Variants in ITGA1 observed in about 807,000 individuals in gnomAD.
The protein encoded by ITGA1 is integrin subunit alpha 1, also known as integrin alpha-1.
In ITGA1, 85 loss-of-function variants were observed where a neutral mutation model predicts 145.9. The ratio of observed to expected loss-of-function variants is 0.58; its 90% CI spans 0.49 to 0.70. The LOEUF (loss-of-function observed/expected upper bound fraction) is 0.70, where lower values mean the gene tolerates loss of function less well. Ranked by LOEUF, ITGA1 falls within the 30% of genes least tolerant of loss-of-function variation. The pLI is 0.00. For synonymous variants in ITGA1, 520 were observed against 495.3 expected (o/e 1.05, Z -0.66); for missense variants, 1,351 against 1,418.7 (o/e 0.95, Z 0.77).
At position 52,881,922 on chromosome 5, in the gene ITGA1, A is replaced by G. The variant is rs751284286; in HGVS notation, c.674A>G (p.Asn225Ser). ...GENVTHEFNL[N>S]KYSSTEEVLV... ...AACGTGACCCATGAGTTCAACCTCA[A>G]TAAGTATTCTTCCACCGAAGAGGTA... The change falls in exon 7 of 29, where the codon AAT becomes AGT. Residue 225 changes from asparagine to serine, a missense_variant. Asn to Ser is a conservative substitution (Grantham distance 46, BLOSUM62 1). Coordinates refer to ENST00000282588, the MANE Select transcript of ITGA1 (RefSeq NM_181501.2). 3.1e-6 allele frequency: 5 copies of G among 1,613,934 alleles called. No homozygotes were observed. Among genetic ancestry groups the G allele is most frequent in the Non-Finnish European group, 3.4e-6 (4 of 1,179,944 alleles).
Position 52,887,840 on chromosome 5 carries a change from G to C in ITGA1, c.799G>C (p.Gly267Arg). Reference sequence around the variant, plus strand: ...AAAGGAGGCATTCACGGAAGCCCGGGGTGCCCGAAGAGGAGTTAAAAAAGT... The same window carrying C: ...AAAGGAGGCATTCACGGAAGCCCGGCGTGCCCGAAGAGGAGTTAAAAAAGT... ...ARKEAFTEAR[G>R]ARRGVKKVMV... Residue 267 changes from glycine to arginine, a missense_variant, in exon 8 of 29, where the codon GGT becomes CGT. Coordinates refer to ENST00000282588, the MANE Select transcript of ITGA1 (RefSeq NM_181501.2). The C allele has an allele frequency of 6.2e-7, 1 of 1,613,234 alleles. No homozygotes were observed.
At chr5:52,919,533 A>G (rs1214571785) in intron 16 of ITGA1, among the ~76,000 whole-genome samples, 2 of 152,166 alleles carry the variant, frequency 1.3e-5, no homozygotes, top group South Asian at 2.1e-4. Context: ...CATTGGCTAA[A>G]GAAGAGAAAT....
Position 52,849,382 on chromosome 5 carries a change from G to T in ITGA1, c.79G>T (p.Val27Leu). The T allele has an allele frequency of 6.2e-7, 1 of 1,610,212 alleles. No individual in the cohort carries two copies. The highest frequency in any genetic ancestry group is 8.5e-7 in the Non-Finnish European group (1 of 1,177,816). ...TCCTAAAGTTGTTCTACGCTGCTGCGTATCATTCAATGTTGATGTGAAAAA... is the reference window on the plus strand; with the variant it reads ...TCCTAAAGTTGTTCTACGCTGCTGCTTATCATTCAATGTTGATGTGAAAAA... ...WLLTVVLRCCVSFNVDVKNSM... is the reference protein window; with the variant it reads ...WLLTVVLRCCLSFNVDVKNSM... The change falls in exon 2 of 29, where the codon GTA (valine) becomes TTA (leucine). Residue 27 changes from valine to leucine, a missense_variant. By Grantham distance (32) the Val-to-Leu change is conservative. Transcript: ENST00000282588.
rs532455361 is a variant in ITGA1 at position 52,914,930 on chromosome 5, G to A, written c.1858-534G>A. ...TGTGAATACATCTGAGTGGAATTGAGTCTCTTGTGCCCTCAACTTTTAGGA... is the reference window on the plus strand; with the variant it reads ...TGTGAATACATCTGAGTGGAATTGAATCTCTTGTGCCCTCAACTTTTAGGA... On this transcript the variant is annotated intron_variant, in intron 14 of 28. Coordinates refer to ENST00000282588, the MANE Select transcript of ITGA1 (RefSeq NM_181501.2). 2.6e-5 allele frequency among the ~76,000 whole-genome samples: 4 copies of A among 152,302 alleles called. No homozygotes were observed. In the South Asian group the frequency reaches 8.3e-4, roughly 32 times the overall value.
At position 52,909,018 on chromosome 5, in the gene ITGA1, G is replaced by A; in HGVS notation, c.1576G>A (p.Val526Met). The change falls in exon 13 of 29, where the codon GTG becomes ATG. Residue 526 changes from valine (V) to methionine (M), a missense_variant. Physicochemically the swap from Val to Met is conservative, Grantham distance 21 (BLOSUM62 1). Transcript: ENST00000282588. ...MGTEKEEQGK[V>M]YVYALNQTRF... The stretch of plus-strand genomic sequence containing the variant: ...AACAGAGAAGGAGGAGCAAGGAAAA[G>A]TGTATGTGTATGCTCTCAATCAGGT... 6.2e-7 allele frequency: 1 copy of A among 1,613,780 alleles called. No individual in the cohort carries two copies. Among genetic ancestry groups the A allele is most frequent in the Non-Finnish European group, 8.5e-7 (1 of 1,179,804 alleles).
At chr5:52,923,739 A>G (rs1750764217) in intron 18 of ITGA1, among the ~76,000 whole-genome samples, 1 of 152,094 alleles carries the variant, frequency 6.6e-6, no homozygotes, top group Non-Finnish European at 1.5e-5. Flanking sequence ...TTTAGGACCA[A>G]TGGAAAGAAA....
At chr5:52,943,837 G>A (rs1751088107) in intron 26 of ITGA1, among the ~76,000 whole-genome samples, 1 of 152,138 alleles carries the variant, frequency 6.6e-6, no homozygotes, top group African/African-American at 2.4e-5. Context: ...AGACGGACAT[G>A]CCATCTCTGG....
intron 5 of ITGA1, among the ~76,000 whole-genome samples, chr5:52,865,441 ACT>A (rs1163608915): frequency 6.6e-6 from 1 of 152,216 alleles, no homozygotes; most frequent in Non-Finnish European, 1.5e-5. Flanking sequence ...TGCAAAGATA[ACT>A]CTCATACAAT....
At chr5:52,932,225 C>A in intron 22 of ITGA1, 89 bp downstream of exon 22, 1 of 752,060 alleles carries the variant, frequency 1.3e-6, no homozygotes, top group Non-Finnish European at 2.2e-6. Context: ...AGGGCATCAG[C>A]ATCACCTGGA....
At chr5:52,849,546 T>C (rs78958139) in intron 2 of ITGA1, 61 bp downstream of exon 2, 18,260 of 1,349,680 alleles carry the variant, frequency 0.014, 195 homozygotes, top group South Asian at 0.037. Flanking sequence ...AGAAATATTA[T>C]TTGACTACAG....
intron 10 of ITGA1, 75 bp from the exon 11 acceptor site, chr5:52,898,164 C>T: frequency 2.0e-6 from 2 of 977,128 alleles, no homozygotes; most frequent in Non-Finnish European, 2.9e-6. Context: ...TACCTATACA[C>T]ATTGTTAATG....
intron 1 of ITGA1, chr5:52,800,243 T>G (rs1748435431): frequency 1.4e-6 from 1 of 715,308 alleles, no homozygotes; most frequent in Non-Finnish European, 2.3e-6. Flanking sequence ...GCTGCATGAG[T>G]CGAAGCAAGC....
At chr5:52,888,892 G>A (rs1355688203) in intron 8 of ITGA1, among the ~76,000 whole-genome samples, 6 of 152,194 alleles carry the variant, frequency 3.9e-5, no homozygotes, top group East Asian at 1.9e-4. Context: ...CTGATGAGAC[G>A]TGTGGTATTT....
At position 52,807,083 on chromosome 5, in the gene ITGA1, A is replaced by G. The variant is rs145535334; in HGVS notation, c.61+18669A>G. On this transcript the variant is annotated intron_variant, in intron 1 of 28. Coordinates refer to ENST00000282588, the MANE Select transcript of ITGA1 (RefSeq NM_181501.2). ...CCCCATTCTTTAGAATGTTAGTTCA[A>G]TGGAAGTGCCTGTTTTCTATAATGT... Among the ~76,000 whole-genome samples the G allele has an allele frequency of 3.7e-3, 555 of 151,194 alleles. 2 individuals are homozygous for G. Among genetic ancestry groups the G allele is most frequent in the African/African-American group, 0.013 (529 of 41,518 alleles).
chr5:52,922,824 T>C lies in ITGA1; in HGVS notation c.2340T>C (p.Asn780=). 1 of 1,613,722 alleles carries C rather than the reference T, an allele frequency of 6.2e-7. No individual in the cohort carries two copies. The highest frequency in any genetic ancestry group is 8.5e-7 in the Non-Finnish European group (1 of 1,179,610). The change falls in exon 18 of 29, where the codon AAT becomes AAC. Residue 780 remains asparagine, a synonymous_variant. Transcript: ENST00000282588. ...CTGTGAGAATAACGTTGGACTTTAA[T>C]CTTACCGATCCAGAAAATGGGCCTG... is the stretch of plus-strand genomic sequence containing the variant. The part of the protein sequence containing the change: ...QDSVRITLDF[N]LTDPENGPVL...
At chr5:52,943,927 G>T (rs1751089265) in intron 26 of ITGA1, among the ~76,000 whole-genome samples, 1 of 152,176 alleles carries the variant, frequency 6.6e-6, no homozygotes, top group Admixed American at 6.5e-5. Context: ...CACAGGGAAA[G>T]TACTCAGGTG....
rs747330970 is a variant in ITGA1, at chr5:52,849,513, T to C, written c.182+28T>C. ...AAGCCAGTGGGTTTTGTTGTTGTTA[T>C]TTACTTATTTCACAAGGTAATGAGA... On this transcript the variant is annotated intron_variant, in intron 2 of 28. Transcript: ENST00000282588. 6 of 1,552,520 alleles carry C rather than the reference T, an allele frequency of 3.9e-6. No individual in the cohort carries two copies. In the Admixed American group the frequency reaches 8.7e-5, roughly 23 times the overall value.
intron 1 of ITGA1, among the ~76,000 whole-genome samples, chr5:52,799,683 C>A (rs866256196): frequency 2.0e-5 from 3 of 152,234 alleles, no homozygotes; most frequent in African/African-American, 7.2e-5. Context: ...CCAGCTCCAA[C>A]AGGCTTGTAG....
intron 10 of ITGA1, 99 bp from the exon 11 acceptor site, chr5:52,898,140 C>A: frequency 1.5e-6 from 1 of 661,986 alleles, no homozygotes; most frequent in Non-Finnish European, 2.2e-6. Context: ...AAATGTAAAG[C>A]ACTTTGAACA....
Sources: allele counts gnomAD v4.1 joint callset (sites outside exome capture counted in the v4.1 genomes callset), GRCh38; gene constraint gnomAD v4.1.1; transcripts MANE v1.5; gene names NCBI Gene and HGNC (gene_info 2026-07-23, HGNC 2026-07-21).